The following EYA4 variants were observed in gnomAD, a reference collection of about 807,000 sequenced individuals.
The protein encoded by EYA4 is EYA transcriptional coactivator and phosphatase 4.
Under a neutral mutation model 87.9 loss-of-function variants are expected in EYA4, and 31 were observed. The observed-to-expected ratio is 0.35, with a 90% CI of 0.27 to 0.48. The LOEUF (loss-of-function observed/expected upper bound fraction) is 0.48. Among genes scored for constraint, EYA4 ranks in the 20% least tolerant of loss-of-function variants. The probability of loss-of-function intolerance (pLI) is 0.99; values close to 1 mark genes in which losing one functional copy is unlikely to be tolerated. For missense variants in EYA4, 678 were observed against 761.4 expected, an observed-to-expected ratio of 0.89 and a Z score of 1.29; for synonymous variants, 263 against 270.6, an observed-to-expected ratio of 0.97 and a Z score of 0.28.
intron 3 of EYA4, among the ~76,000 whole-genome samples, chr6:133,437,731 T>A (rs1293583799): frequency 6.6e-6 from 1 of 152,112 alleles, no homozygotes; most frequent in Non-Finnish European, 1.5e-5. Flanking sequence ...CTTCCCAAGG[T>A]AGCAGGGAGG....
intron 13 of EYA4, among the ~76,000 whole-genome samples, chr6:133,485,465 A>G (rs1362026240): frequency 6.6e-6 from 1 of 152,220 alleles, no homozygotes; most frequent in Non-Finnish European, 1.5e-5. Context: ...CCAGAGAAGT[A>G]ATAAAAATGT....
chr6:133,262,996 A>C (rs1775921579), intron 1 of EYA4, among the ~76,000 whole-genome samples: 1 of 152,186 alleles, frequency 6.6e-6, no homozygotes, highest in South Asian at 2.1e-4. Context: ...AGTTGGCCAT[A>C]GAATTGGAGC....
intron 3 of EYA4, among the ~76,000 whole-genome samples, chr6:133,401,586 C>T (rs1423690437): frequency 2.0e-5 from 3 of 152,040 alleles, no homozygotes; most frequent in African/African-American, 7.2e-5. Flanking sequence ...GCAAAAAGAC[C>T]TGAGTGCAAA....
In EYA4 at chr6:133,464,860, TA is replaced by T. The variant is rs759719513; in HGVS notation, c.804+3del. The T allele has an allele frequency of 6.3e-7, 1 of 1,596,334 alleles. No individual in the cohort carries two copies. The highest frequency in any genetic ancestry group is 1.1e-5 in the South Asian group (1 of 90,670). On this transcript the variant is annotated splice_donor_region_variant and intron_variant, in intron 10 of 19. Transcript: ENST00000355286. ...ACGAATTTCAGTGGTTCACAACAGG[TA>T]TAGTAGCTTTTTGTGTTTATGCTTT...
intron 2 of EYA4, among the ~76,000 whole-genome samples, chr6:133,365,323 A>G (rs1784776083): frequency 6.6e-6 from 1 of 152,130 alleles, no homozygotes; most frequent in South Asian, 2.1e-4. Flanking sequence ...CTTGACATCT[A>G]CTTATGTATT....
Position 133,531,096 on chromosome 6 carries a change from T to C in EYA4, c.*2291T>C. On this transcript the variant is annotated 3_prime_UTR_variant, in exon 20 of 20. Transcript: ENST00000355286. ...AAACAAGCAAGGCTTTTTATGCTGC[T>C]AAGTCTGTGGGTGCAGAAAGAAACA... 1 of 1,463,904 alleles carries C rather than the reference T, an allele frequency of 6.8e-7. No homozygotes were observed. Among genetic ancestry groups the C allele is most frequent in the Non-Finnish European group, 9.0e-7 (1 of 1,110,522 alleles). 90.7% of individuals were successfully genotyped at this position (1,463,904 alleles called of 1,614,324 possible). A position where few individuals can be genotyped will look rare whatever the true frequency, so the allele number is the denominator to read the frequency against.
chr6:133,400,525 A>C (rs1229935408), intron 3 of EYA4, among the ~76,000 whole-genome samples: 1 of 152,110 alleles, frequency 6.6e-6, no homozygotes, highest in Non-Finnish European at 1.5e-5. Flanking sequence ...AAAAAGAAAA[A>C]AAAAATTATA....
chr6:133,318,658 A>T (rs1448418523), intron 2 of EYA4, among the ~76,000 whole-genome samples: 5 of 149,968 alleles, frequency 3.3e-5, no homozygotes, highest in African/African-American at 1.2e-4. Context: ...TCCTGAGCTA[A>T]TTTAGTTCCT....
chr6:133,249,464 C>T (rs563527138), intron 1 of EYA4, among the ~76,000 whole-genome samples: 1 of 152,098 alleles, frequency 6.6e-6, no homozygotes, highest in Admixed American at 6.5e-5. Context: ...ACTTAAAATT[C>T]CTTAAAAAAT....
chr6:133,437,949 A>G (rs1001599772), intron 3 of EYA4, among the ~76,000 whole-genome samples: 4 of 152,216 alleles, frequency 2.6e-5, no homozygotes, highest in African/African-American at 7.2e-5. Context: ...AGCCTAAACC[A>G]TATCACATAC....
chr6:133,359,527 C>A (rs1460572798), intron 2 of EYA4, among the ~76,000 whole-genome samples: 1 of 152,166 alleles, frequency 6.6e-6, no homozygotes, highest in African/African-American at 2.4e-5. Context: ...TGAGGAGCTG[C>A]AGACATAGAA....
chr6:133,457,656 A>G (rs950674103), intron 6 of EYA4, among the ~76,000 whole-genome samples: 1 of 152,196 alleles, frequency 6.6e-6, no homozygotes, highest in African/African-American at 2.4e-5. Flanking sequence ...AGAAAGAAAT[A>G]ATAGTACATA....
intron 3 of EYA4, among the ~76,000 whole-genome samples, chr6:133,391,469 T>C (rs948725274): frequency 1.3e-5 from 2 of 152,150 alleles, no homozygotes; most frequent in Admixed American, 1.3e-4. Flanking sequence ...TCCCTGTTCA[T>C]CTCTTATTCA....
chr6:133,316,139 C>T (rs1780602485), intron 2 of EYA4, among the ~76,000 whole-genome samples: 1 of 152,136 alleles, frequency 6.6e-6, no homozygotes, highest in South Asian at 2.1e-4. Flanking sequence ...ATTCTCACTT[C>T]AGTAAGCTGA....
At chr6:133,419,629 C>T (rs1008946935) in intron 3 of EYA4, among the ~76,000 whole-genome samples, 1 of 152,082 alleles carries the variant, frequency 6.6e-6, no homozygotes. Context: ...GTAGATACAT[C>T]GTAAATATTG....
intron 1 of EYA4, among the ~76,000 whole-genome samples, chr6:133,268,375 C>T (rs974717961): frequency 6.6e-6 from 1 of 152,116 alleles, no homozygotes; most frequent in Non-Finnish European, 1.5e-5. Flanking sequence ...CTTTGCAATC[C>T]AATGCAGTAT....
chr6:133,451,877 G>A (rs1236202421), intron 5 of EYA4, among the ~76,000 whole-genome samples: 1 of 152,144 alleles, frequency 6.6e-6, no homozygotes, highest in Non-Finnish European at 1.5e-5. Context: ...TTTTACTGTA[G>A]AGATGATTGA....
intron 3 of EYA4, among the ~76,000 whole-genome samples, chr6:133,438,146 T>C (rs1212431528): frequency 6.6e-6 from 1 of 152,132 alleles, no homozygotes; most frequent in Non-Finnish European, 1.5e-5. Context: ...TTAGTAGCCA[T>C]AGTGTATCTC....
intron 8 of EYA4, 50 bp downstream of exon 8, chr6:133,462,527 C>T: frequency 9.9e-6 from 16 of 1,613,120 alleles, no homozygotes; most frequent in Non-Finnish European, 1.3e-5. Flanking sequence ...GGTAATCCTG[C>T]TGGCTGGTAG....
Sources: gnomAD v4.1 joint callset for allele counts (sites outside exome capture counted in the v4.1 genomes callset) on GRCh38, gnomAD v4.1.1 for gene constraint, MANE v1.5 for transcripts, NCBI Gene and HGNC (gene_info 2026-07-23, HGNC 2026-07-21) for gene names.